LAP3: variants seen among roughly 807,000 people sequenced by gnomAD.
LAP3 encodes the protein leucine aminopeptidase 3, also known as cytosol aminopeptidase.
A neutral mutation model predicts 58.8 loss-of-function variants in LAP3; 46 were observed. The observed-to-expected ratio is 0.78, with a 90% CI of 0.62 to 1.00. The LOEUF (loss-of-function observed/expected upper bound fraction) is 1.00, where lower values mean the gene tolerates loss of function less well. Among genes scored for constraint, LAP3 ranks in the 50% least tolerant of loss-of-function variants. The pLI is 0.00. For synonymous variants in LAP3, 257 were observed against 237.7 expected, an observed-to-expected ratio of 1.08 and a Z score of -0.75; for missense variants, 615 against 659.1, an observed-to-expected ratio of 0.93 and a Z score of 0.73.
intron 7 of LAP3, among the ~76,000 whole-genome samples, chr4:17,593,609 G>GATTTTTT (rs1713752982): frequency 1.1e-5 from 1 of 87,608 alleles, no homozygotes; most frequent in Non-Finnish European, 2.0e-5. Context: ...ATCTGCTTGG[G>GATTTTTT]TTTTTTTTTT....
chr4:17,577,426 G>A lies in LAP3; in HGVS notation c.-40G>A, dbSNP rs1222101031. The A allele has an allele frequency of 3.5e-5, 52 of 1,472,436 alleles. No homozygotes were observed. The highest frequency in any genetic ancestry group is 4.5e-5 in the Non-Finnish European group (49 of 1,095,368). The allele number at this position is 1,472,436 out of a possible 1,614,324, so 91.2% of individuals were successfully genotyped here. The stretch of plus-strand genomic sequence containing the variant: ...GGCGCGCCCGCCCACCGCTCTCCAC[G>A]TGCTCGCTGGAGGGCGGTGCGAGGG... On this transcript the variant is annotated 5_prime_UTR_variant, in exon 1 of 13. It adds an upstream start codon to the 5' untranslated region. Coordinates refer to ENST00000226299, the MANE Select transcript of LAP3 (RefSeq NM_015907.3).
At chr4:17,598,621 C>A in intron 10 of LAP3, 63 bp downstream of exon 10, 1 of 1,172,180 alleles carries the variant, frequency 8.5e-7, no homozygotes, top group Non-Finnish European at 1.3e-6. Context: ...ATGGATTTCA[C>A]ACACTATACT....
chr4:17,577,232 A>T lies in LAP3; in HGVS notation c.-234A>T. ...TGCGGGCGCACACGAATGCGGGCGC[A>T]CACGAATGCGGGCGCACCCTTGAGT... On this transcript the variant is annotated 5_prime_UTR_variant, in exon 1 of 13. Coordinates refer to ENST00000226299, the MANE Select transcript of LAP3 (RefSeq NM_015907.3). The T allele has an allele frequency of 2.7e-6, 1 of 374,366 alleles. No homozygotes were observed. 23.2% of individuals were successfully genotyped at this position (374,366 alleles called of 1,614,324 possible). A position where few individuals can be genotyped will look rare whatever the true frequency, so the allele number is the denominator to read the frequency against.
At chr4:17,599,213 G>A (rs1206933232) in intron 10 of LAP3, among the ~76,000 whole-genome samples, 1 of 152,110 alleles carries the variant, frequency 6.6e-6, no homozygotes, top group Non-Finnish European at 1.5e-5. Context: ...TAACAAGTGC[G>A]CCAGATCAGC....
At chr4:17,596,148 T>C (rs1221992910) in intron 8 of LAP3, among the ~76,000 whole-genome samples, 2 of 152,118 alleles carry the variant, frequency 1.3e-5, no homozygotes, top group Non-Finnish European at 2.9e-5. Flanking sequence ...CCTCCTTCAC[T>C]ATCATAGTCC....
At chr4:17,601,897 C>T (rs1713989925) in intron 10 of LAP3, among the ~76,000 whole-genome samples, 1 of 152,076 alleles carries the variant, frequency 6.6e-6, no homozygotes, top group Non-Finnish European at 1.5e-5. Flanking sequence ...TCTGTTGACT[C>T]CAAAATATTT....
At chr4:17,602,138 T>A (rs1360145785) in intron 10 of LAP3, among the ~76,000 whole-genome samples, 1 of 152,222 alleles carries the variant, frequency 6.6e-6, no homozygotes, top group Non-Finnish European at 1.5e-5. Context: ...ACATTCCATA[T>A]GTGTGTCCTG....
At chr4:17,606,185 G>A (rs185989187) in intron 11 of LAP3, among the ~76,000 whole-genome samples, 26 of 152,180 alleles carry the variant, frequency 1.7e-4, no homozygotes, top group Admixed American at 9.8e-4. Context: ...AGGTCCAGTC[G>A]TGTGTTTCTG....
chr4:17,595,240 G>A (rs1398812728), intron 7 of LAP3, among the ~76,000 whole-genome samples, 170 bp from the exon 8 acceptor site: 10 of 150,414 alleles, frequency 6.6e-5, no homozygotes, highest in Non-Finnish European at 1.2e-4. Context: ...GGGTTGCACC[G>A]TGTTAGCCAG....
In LAP3 at chr4:17,607,497, G is replaced by A. The variant is rs1714171589; in HGVS notation, c.1468G>A (p.Asp490Asn). The change falls in exon 13 of 13, where the codon GAT (aspartate) becomes AAT (asparagine). Residue 490 changes from aspartate (D) to asparagine (N), a missense_variant. Asp to Asn is a conservative substitution (Grantham distance 23). Coordinates refer to ENST00000226299, the MANE Select transcript of LAP3 (RefSeq NM_015907.3). The part of the protein sequence containing the change: ...LDIAGVMTNK[D>N]EVPYLRKGMT... ...CATAGCAGGCGTGATGACCAACAAAGATGAAGTTCCCTATCTACGGAAAGG... is the reference window on the plus strand; with the variant it reads ...CATAGCAGGCGTGATGACCAACAAAAATGAAGTTCCCTATCTACGGAAAGG... 6.2e-7 allele frequency: 1 copy of A among 1,614,126 alleles called. No homozygotes were observed. Among genetic ancestry groups the A allele is most frequent in the Non-Finnish European group, 8.5e-7 (1 of 1,180,026 alleles).
intron 11 of LAP3, among the ~76,000 whole-genome samples, chr4:17,605,812 T>TA (rs530728073): frequency 0.01 from 1,578 of 150,618 alleles, 15 homozygotes; most frequent in Middle Eastern, 0.017. Flanking sequence ...ATTTAAGCTT[T>TA]AAAAAAAAAA....
chr4:17,607,670 T>G lies in LAP3; in HGVS notation c.*81T>G. ...AGGTTTTTGAATAAATGGATGAAAA[T>G]CTTTTAACGGAGACAAAGGATGGTA... On this transcript the variant is annotated 3_prime_UTR_variant, in exon 13 of 13. Coordinates refer to ENST00000226299, the MANE Select transcript of LAP3 (RefSeq NM_015907.3). 2.7e-6 allele frequency: 3 copies of G among 1,098,422 alleles called. No individual in the cohort carries two copies. In the South Asian group the frequency reaches 5.4e-5, roughly 20 times the overall value. 68.0% of individuals were successfully genotyped at this position (1,098,422 alleles called of 1,614,324 possible). A position where few individuals can be genotyped will look rare whatever the true frequency, so the allele number is the denominator to read the frequency against.
At chr4:17,578,000 T>G (rs916896156) in intron 1 of LAP3, among the ~76,000 whole-genome samples, 1 of 152,176 alleles carries the variant, frequency 6.6e-6, no homozygotes, top group African/African-American at 2.4e-5. Flanking sequence ...GGGAGTTAAG[T>G]AGCTTGGAAG....
Position 17,604,573 on chromosome 4 carries a change from G to C in LAP3, c.1181-15G>C. The C allele has an allele frequency of 2.5e-6, 4 of 1,611,904 alleles. No individual in the cohort carries two copies. Among genetic ancestry groups the C allele is most frequent in the Non-Finnish European group, 3.4e-6 (4 of 1,177,962 alleles). ...TGGAGAGACTGCACGTGACCTGAGG[G>C]CTTGTGTCTTACAGGTGCCATGGAT... On this transcript the variant is annotated splice_polypyrimidine_tract_variant and intron_variant, in intron 10 of 12. Transcript: ENST00000226299.
rs763705669 is a variant in LAP3, at chr4:17,595,520, C to G, written c.974C>G (p.Pro325Arg). The G allele has an allele frequency of 2.5e-6, 4 of 1,613,506 alleles. No homozygotes were observed. In the Admixed American group the frequency reaches 5.0e-5, roughly 20 times the overall value. Reference protein sequence around the residue: ...AIVSAAKLNLPINIIGLAPLC... With the variant: ...AIVSAAKLNLRINIIGLAPLC... ...GTGTCTGCTGCAAAGCTTAATTTGC[C>G]CATTAATATTATAGGTAAGTGGGGT... is the stretch of plus-strand genomic sequence containing the variant. Residue 325 changes from proline to arginine, a missense_variant, in exon 8 of 13, where the codon CCC becomes CGC. Transcript: ENST00000226299.
At chr4:17,587,407 A>G (rs1028694685) in intron 6 of LAP3, 24 of 146,472 alleles carry the variant, frequency 1.6e-4, no homozygotes, top group African/African-American at 5.6e-4. Flanking sequence ...AAATGCCCAC[A>G]TTGCACAGCC....
intron 10 of LAP3, among the ~76,000 whole-genome samples, chr4:17,599,291 C>T (rs140174429): frequency 6.6e-6 from 1 of 152,138 alleles, no homozygotes; most frequent in Admixed American, 6.5e-5. Flanking sequence ...GTAATCCCAG[C>T]ACTTTGGGAG....
At position 17,577,528 on chromosome 4, in the gene LAP3, T is replaced by C; in HGVS notation, c.63T>C (p.Arg21=). 6.3e-7 allele frequency: 1 copy of C among 1,580,492 alleles called. No homozygotes were observed. The highest frequency in any genetic ancestry group is 8.6e-7 in the Non-Finnish European group (1 of 1,164,834). The change falls in exon 1 of 13, where the codon CGT becomes CGC. Residue 21 remains arginine, a synonymous_variant. Coordinates refer to ENST00000226299, the MANE Select transcript of LAP3 (RefSeq NM_015907.3). ...TCGTCCGACGTCTGGCCGTGAGACG[T>C]TTCGGGAGCCGGAGTCTCTCCACCG... ...RVVVRRLAVR[R]FGSRSLSTAD... is the part of the protein sequence containing the mutation.
At chr4:17,582,438 T>C in intron 4 of LAP3, 45 bp downstream of exon 4, 1 of 1,424,856 alleles carries the variant, frequency 7.0e-7, no homozygotes, top group Non-Finnish European at 9.8e-7. Flanking sequence ...GATCCACTCT[T>C]TTTGATGACC....
Sources: gnomAD v4.1 joint callset for allele counts (sites outside exome capture counted in the v4.1 genomes callset) on GRCh38, gnomAD v4.1.1 for gene constraint, MANE v1.5 for transcripts, NCBI Gene and HGNC (gene_info 2026-07-23, HGNC 2026-07-21) for gene names.